Variants in NOS1 observed in about 807,000 individuals in gnomAD.
NOS1 encodes NOS type I.
Under a neutral mutation model 164.5 loss-of-function variants are expected in NOS1, and 51 were observed. The ratio of observed to expected loss-of-function variants is 0.31; its 90% CI spans 0.25 to 0.39. The LOEUF is 0.39. NOS1 is among the 10% of genes least tolerant of loss of function. The pLI, the probability that NOS1 is intolerant of heterozygous loss-of-function variation, is 1.00. For synonymous variants in NOS1, 719 were observed against 745.8 expected, an observed-to-expected ratio of 0.96 and a Z score of 0.59; for missense variants, 1,362 against 1,885.6, an observed-to-expected ratio of 0.72 and a Z score of 5.14.
Position 117,272,300 on chromosome 12 carries a change from C to T in NOS1, c.1839+85G>A, listed in dbSNP as rs774337648. 270 of 1,493,962 alleles carry T rather than the reference C, an allele frequency of 1.8e-4. No homozygotes were observed. The highest frequency in any genetic ancestry group is 7.9e-5 in the Non-Finnish European group (85 of 1,079,960). 92.5% of individuals were successfully genotyped at this position (1,493,962 alleles called of 1,614,324 possible). On this transcript the variant is annotated intron_variant, in intron 10 of 28. Transcript: ENST00000317775. The surrounding 1 kb of genome is among the most constrained non-coding windows in gnomAD (Gnocchi z 4.3). ...TAACCCCTTCAAGTTTCCAAGCCAC[C>T]AAGCTCGCCGTGGGGAAGGGGACTG...
chr12:117,327,348 C>G (rs998331329), intron 2 of NOS1, among the ~76,000 whole-genome samples: 1 of 152,176 alleles, frequency 6.6e-6, no homozygotes, highest in African/African-American at 2.4e-5. Context: ...CTTCCCAAAG[C>G]CTCCTGGCAA....
intron 20 of NOS1, among the ~76,000 whole-genome samples, chr12:117,238,969 T>C (rs1566034151): frequency 6.6e-6 from 1 of 152,246 alleles, no homozygotes; most frequent in Non-Finnish European, 1.5e-5. Context: ...TGGGTGGCTA[T>C]TCCAGTCACT....
At chr12:117,326,392 AAAAAAAAAACAAAAAAACAAAAAC>A (rs2086146612) in intron 2 of NOS1, among the ~76,000 whole-genome samples, 1 of 8,250 alleles carries the variant, frequency 1.2e-4, no homozygotes, top group Non-Finnish European at 3.4e-4. Flanking sequence ...TCTCAAAAAA[AAAAAAAAAACAAAAAAACAAAAAC>A]AAAAACAAAA....
intron 28 of NOS1, 66 bp from the exon 29 acceptor site, chr12:117,215,390 C>T (rs1956590007): frequency 6.9e-7 from 1 of 1,442,446 alleles, no homozygotes; most frequent in Non-Finnish European, 9.2e-7. Context: ...CCTCTGAGTG[C>T]CCCAGAGAAA....
chr12:117,217,962 G>A (rs1023195337), intron 28 of NOS1, 84 bp downstream of exon 28: 15 of 999,264 alleles, frequency 1.5e-5, no homozygotes, highest in East Asian at 2.4e-5. Flanking sequence ...GGACCCTGCC[G>A]TGGGAAAGCC....
intron 20 of NOS1, among the ~76,000 whole-genome samples, chr12:117,237,935 AGGAC>A (rs1221006024): frequency 6.6e-6 from 1 of 152,148 alleles, no homozygotes; most frequent in Non-Finnish European, 1.5e-5. Flanking sequence ...TATGTCAGAC[AGGAC>A]GGTCAGGGAG....
intron 28 of NOS1, among the ~76,000 whole-genome samples, chr12:117,216,768 C>T (rs1037777271): frequency 3.3e-5 from 5 of 152,148 alleles, no homozygotes; most frequent in African/African-American, 1.2e-4. Context: ...TGTGAGCCAC[C>T]ACACCTGGCC....
intron 3 of NOS1, among the ~76,000 whole-genome samples, chr12:117,310,241 G>A (rs942636638): frequency 2.0e-5 from 3 of 152,126 alleles, no homozygotes; most frequent in African/African-American, 7.2e-5. Context: ...GCCTGCCCAT[G>A]TGCCAAATAA....
At chr12:117,311,638 A>AC (rs1874440351) in intron 2 of NOS1, 46 bp from the exon 3 acceptor site, 1 of 1,574,316 alleles carries the variant, frequency 6.4e-7, no homozygotes, top group Admixed American at 1.7e-5. Context: ...ATCAGGAGGG[A>AC]CTTGCTGGTT....
chr12:117,282,795 G>A (rs78366790), intron 7 of NOS1, among the ~76,000 whole-genome samples: 3,125 of 152,212 alleles, frequency 0.021, 119 homozygotes, highest in African/African-American at 0.072. Flanking sequence ...TTGAACATCC[G>A]ATAAAGGGTG....
At chr12:117,293,111 C>A (rs967486819) in intron 3 of NOS1, among the ~76,000 whole-genome samples, 1 of 152,118 alleles carries the variant, frequency 6.6e-6, no homozygotes, top group South Asian at 2.1e-4. Context: ...TTGCAGCCAG[C>A]GGAATAAGAG....
At chr12:117,347,480 T>C (rs1476564888) in intron 1 of NOS1, among the ~76,000 whole-genome samples, 1 of 152,172 alleles carries the variant, frequency 6.6e-6, no homozygotes, top group Non-Finnish European at 1.5e-5. Context: ...ATGAGCTCTC[T>C]GGTTCCCCTG....
intron 28 of NOS1, among the ~76,000 whole-genome samples, chr12:117,215,780 G>A (rs1011790692): frequency 6.6e-6 from 1 of 151,958 alleles, no homozygotes; most frequent in African/African-American, 2.4e-5. Context: ...ACAGGACCTG[G>A]CACCTAGCAG....
intron 28 of NOS1, among the ~76,000 whole-genome samples, chr12:117,216,134 T>C (rs1956606143): frequency 6.6e-6 from 1 of 151,854 alleles, no homozygotes; most frequent in African/African-American, 2.4e-5. Context: ...CATCTTTGCC[T>C]TCCAAGGTGC....
intron 2 of NOS1, among the ~76,000 whole-genome samples, chr12:117,315,308 A>G (rs1479377253): frequency 6.6e-6 from 1 of 151,944 alleles, no homozygotes; most frequent in African/African-American, 2.4e-5. Context: ...GGTTCAAGTG[A>G]TTCTCCTGCC....
chr12:117,230,077 G>A (rs933294567), intron 22 of NOS1, among the ~76,000 whole-genome samples: 19 of 152,066 alleles, frequency 1.2e-4, no homozygotes, highest in African/African-American at 4.1e-4. Flanking sequence ...GTGCCATGAC[G>A]CCCAGCTAAT....
Position 117,330,509 on chromosome 12 carries a change from G to C in NOS1, c.561C>G (p.Pro187=), listed in dbSNP as rs767193978. 3 of 1,613,940 alleles carry C rather than the reference G, an allele frequency of 1.9e-6. No homozygotes were observed. The highest frequency in any genetic ancestry group is 2.5e-6 in the Non-Finnish European group (3 of 1,180,052). Residue 187 remains proline, a synonymous_variant, in exon 2 of 29, where the codon CCC becomes CCG. Transcript: ENST00000317775. The surrounding 1 kb of genome is among the most constrained non-coding windows in gnomAD (Gnocchi z 4.6). ...GLAPRPPGQD[P]AKKATRVSLQ... is the part of the protein sequence containing the mutation. ...GGCTGACTCTGGTTGCTTTCTTCGC[G>C]GGGTCCTGGCCTGGGGGCCTGGGGG...
At position 117,258,766 on chromosome 12, in the gene NOS1, T is replaced by C. The variant is rs9658433; in HGVS notation, c.2472+260A>G. ...ACATCAGGGAACATCAAGCTAATGA[T>C]AGGAGCAGCCACTGCAAACAAATAG... On this transcript the variant is annotated intron_variant, in intron 15 of 28. Transcript: ENST00000317775. Among the ~76,000 whole-genome samples, 1,196 of 152,320 alleles carry C rather than the reference T, an allele frequency of 7.9e-3. 27 individuals carry two copies. The highest frequency in any genetic ancestry group is 0.027 in the African/African-American group (1,120 of 41,572).
rs200867569 is a variant in NOS1, at chr12:117,227,421, C to T, written c.3616+10G>A. The T allele has an allele frequency of 7.4e-6, 12 of 1,613,638 alleles. No individual in the cohort carries two copies. The African/African-American group carries it at 1.5e-4, about 20-fold the overall frequency. On this transcript the variant is annotated intron_variant, in intron 23 of 28. Transcript: ENST00000317775. ...GCAGCTGAGGAGGCTCTCCCAGTGC[C>T]TCCGCCCACCTCGAGTGCGGTAGGA...
Sources: gnomAD v4.1 joint callset for allele counts (sites outside exome capture counted in the v4.1 genomes callset) on GRCh38, gnomAD v4.1.1 for gene constraint, Gnocchi (gnomAD v3.1) non-coding constraint, MANE v1.5 for transcripts, NCBI Gene and HGNC (gene_info 2026-07-23, HGNC 2026-07-21) for gene names.